Variants in UNC5C observed in about 807,000 individuals in gnomAD.
UNC5C encodes the protein netrin receptor UNC5C.
UNC5C carries 47 observed loss-of-function variants against 99.8 expected under a neutral mutation model. The observed-to-expected ratio is 0.47, with a 90% confidence interval of 0.37 to 0.60. UNC5C has a LOEUF of 0.60. Among genes scored for constraint, UNC5C ranks in the 20% least tolerant of loss-of-function variants. The pLI is 0.00. For synonymous variants in UNC5C, 487 were observed against 452.2 expected, an observed-to-expected ratio of 1.08 and a Z score of -0.98; for missense variants, 1,062 against 1,165.9, an observed-to-expected ratio of 0.91 and a Z score of 1.30.
chr4:95,207,678 G>T (rs1273340973), intron 10 of UNC5C, among the ~76,000 whole-genome samples: 1 of 152,118 alleles, frequency 6.6e-6, no homozygotes. Context: ...CATAGCTTTT[G>T]AAATCATGGA....
At chr4:95,370,376 C>A (rs1744708249) in intron 1 of UNC5C, among the ~76,000 whole-genome samples, 1 of 151,812 alleles carries the variant, frequency 6.6e-6, no homozygotes, top group African/African-American at 2.4e-5. Flanking sequence ...ATAGCATCAT[C>A]TAGAGAGAAA....
intron 1 of UNC5C, among the ~76,000 whole-genome samples, chr4:95,368,058 T>C (rs1454855843): frequency 6.6e-6 from 1 of 152,198 alleles, no homozygotes; most frequent in Non-Finnish European, 1.5e-5. Context: ...AATCAGTCTC[T>C]GGTGTGCTGA....
intron 8 of UNC5C, 128 bp downstream of exon 8, chr4:95,219,857 C>T (rs1316578607): frequency 9.9e-7 from 1 of 1,007,854 alleles, no homozygotes; most frequent in African/African-American, 1.6e-5. Context: ...CAGTAATGAA[C>T]AAAATTAACT....
In UNC5C at chr4:95,202,737, G is replaced by A. The variant is rs755703557; in HGVS notation, c.2130C>T (p.Ala710=). The change falls in exon 12 of 16, where the codon GCC becomes GCT. Residue 710 remains alanine (A), a synonymous_variant. Transcript: ENST00000453304. The part of the protein sequence containing the change: ...RVYCLDDTQD[A]LKEILHLERQ... ...CTAGGTGGGAGGCACTTACCTTCAG[G>A]GCATCCTGGGTGTCATCCAGACAGT... 1.2e-6 allele frequency: 2 copies of A among 1,613,962 alleles called. No homozygotes were observed. The highest frequency in any genetic ancestry group is 1.7e-6 in the Non-Finnish European group (2 of 1,179,894).
At chr4:95,260,085 T>G (rs908157986) in intron 4 of UNC5C, among the ~76,000 whole-genome samples, 3 of 152,196 alleles carry the variant, frequency 2.0e-5, no homozygotes, top group African/African-American at 7.2e-5. Flanking sequence ...GTCCTATGAC[T>G]GCACTGGTCC....
At chr4:95,342,706 G>T (rs1045127303) in intron 1 of UNC5C, among the ~76,000 whole-genome samples, 1 of 151,998 alleles carries the variant, frequency 6.6e-6, no homozygotes, top group Non-Finnish European at 1.5e-5. Context: ...CAGTGGGACA[G>T]AGCACCACAT....
At chr4:95,236,047 C>T (rs1324890271) in intron 7 of UNC5C, among the ~76,000 whole-genome samples, 1 of 152,168 alleles carries the variant, frequency 6.6e-6, no homozygotes, top group Non-Finnish European at 1.5e-5. Flanking sequence ...GGATCTAGAA[C>T]TAGAAATACC....
intron 1 of UNC5C, among the ~76,000 whole-genome samples, chr4:95,435,572 G>A (rs1746758571): frequency 6.6e-6 from 1 of 152,010 alleles, no homozygotes; most frequent in Admixed American, 6.6e-5. Context: ...AAGCTACATA[G>A]CAATATACAA....
At position 95,452,033 on chromosome 4, in the gene UNC5C, A is replaced by T. The variant is rs544085572; in HGVS notation, c.124+96701T>A. ...TTAAAGATAACCTTTTAAAGCAAAT[A>T]TTTATGACTCTATAGACATAGCATA... On this transcript the variant is annotated intron_variant, in intron 1 of 15. Transcript: ENST00000453304. Among the ~76,000 whole-genome samples the T allele has an allele frequency of 9.2e-5, 14 of 152,278 alleles. No individual in the cohort carries two copies. The South Asian group carries it at 2.1e-3, about 23-fold the overall frequency.
At chr4:95,548,532 ATAGAT>A (rs1302249177) in intron 1 of UNC5C, among the ~76,000 whole-genome samples, 197 bp downstream of exon 1, 1 of 151,984 alleles carries the variant, frequency 6.6e-6, no homozygotes, top group African/African-American at 2.4e-5. Flanking sequence ...ATCTCAGAAG[ATAGAT>A]TAAACATAAT....
intron 1 of UNC5C, among the ~76,000 whole-genome samples, chr4:95,522,752 CCTCTT>C (rs1438794968): frequency 6.6e-6 from 1 of 152,104 alleles, no homozygotes; most frequent in Non-Finnish European, 1.5e-5. Context: ...TTAATCTTAA[CCTCTT>C]CTTTCTTTTT....
In UNC5C at chr4:95,167,265, T is replaced by G. The variant is rs1735893104; in HGVS notation, c.*1969A>C. On this transcript the variant is annotated 3_prime_UTR_variant, in exon 16 of 16. Coordinates refer to ENST00000453304, the MANE Select transcript of UNC5C (RefSeq NM_003728.4). ...CACATGTCTGCTTGTTCTTCAGTTT[T>G]GGTTTTGCTACTGGGCTTTGATTCT... The G allele has an allele frequency of 6.6e-6, 1 of 152,262 alleles. No homozygotes were observed. Among genetic ancestry groups the G allele is most frequent in the African/African-American group, 2.4e-5 (1 of 41,468 alleles). The allele number at this position is 152,262 out of a possible 1,614,324, so 9.4% of individuals were successfully genotyped here.
chr4:95,335,860 G>T (rs113776402), intron 1 of UNC5C, among the ~76,000 whole-genome samples: 11 of 151,924 alleles, frequency 7.2e-5, no homozygotes, highest in African/African-American at 2.7e-4. Context: ...TAAGTAAGTT[G>T]CCCTGAGCAC....
intron 1 of UNC5C, among the ~76,000 whole-genome samples, chr4:95,509,103 G>C (rs1721998375): frequency 6.6e-6 from 1 of 151,710 alleles, no homozygotes; most frequent in African/African-American, 2.4e-5. Flanking sequence ...ACATATATAA[G>C]TGGAATACCA....
chr4:95,176,156 C>CAA (rs2149346535), intron 14 of UNC5C, among the ~76,000 whole-genome samples: 1 of 151,582 alleles, frequency 6.6e-6, no homozygotes, highest in African/African-American at 2.4e-5. Context: ...AAATTTTTTT[C>CAA]AAAGTTTTCA....
At chr4:95,280,680 C>A (rs1387733515) in intron 3 of UNC5C, among the ~76,000 whole-genome samples, 10 of 108,470 alleles carry the variant, frequency 9.2e-5, no homozygotes, top group Admixed American at 6.3e-4. Context: ...AAGAGTGAGA[C>A]CCCATCTCAA....
rs1301386132 is a variant in UNC5C at position 95,476,744 on chromosome 4, A to G, written c.124+71990T>C. Among the ~76,000 whole-genome samples, 7 of 138,442 alleles carry G rather than the reference A, an allele frequency of 5.1e-5. 1 individual carries two copies. In the South Asian group the frequency reaches 1.3e-3, roughly 26 times the overall value. The allele number at this position is 138,442 out of a possible 152,430, so 90.8% of individuals were successfully genotyped here. A position where few individuals can be genotyped will look rare whatever the true frequency, so the allele number is the denominator to read the frequency against. On this transcript the variant is annotated intron_variant, in intron 1 of 15. Coordinates refer to ENST00000453304, the MANE Select transcript of UNC5C (RefSeq NM_003728.4). ...TTAAATAATACATATTATTGCAGTA[A>G]GAATTTGTCCATTTTTTTTGCTTGT...
At chr4:95,424,530 T>C (rs1578155609) in intron 1 of UNC5C, among the ~76,000 whole-genome samples, 1 of 136,890 alleles carries the variant, frequency 7.3e-6, no homozygotes, top group Admixed American at 7.3e-5. Flanking sequence ...TTTTTTTTTT[T>C]TTTTTTTTTG....
intron 1 of UNC5C, among the ~76,000 whole-genome samples, chr4:95,533,790 T>A (rs1047735295): frequency 1.3e-5 from 2 of 152,206 alleles, no homozygotes; most frequent in African/African-American, 2.4e-5. Context: ...TTGAGAGGCG[T>A]GTTTTTATTT....
Sources: gnomAD v4.1 joint callset for allele counts (sites outside exome capture counted in the v4.1 genomes callset) on GRCh38, gnomAD v4.1.1 for gene constraint, MANE v1.5 for transcripts, NCBI Gene and HGNC (gene_info 2026-07-23, HGNC 2026-07-21) for gene names.